The following TBXAS1 variants were observed in gnomAD, a reference collection of about 807,000 sequenced individuals.
The protein encoded by TBXAS1 is thromboxane-A synthase.
A neutral mutation model predicts 60.7 loss-of-function variants in TBXAS1; 48 were observed. The observed-to-expected ratio is 0.79, with a 90% CI of 0.63 to 1.01. TBXAS1 has a LOEUF of 1.01. Ranked by LOEUF, TBXAS1 falls within the 50% of genes least tolerant of loss-of-function variation. TBXAS1 has a pLI of 0.00. For synonymous variants in TBXAS1, 287 were observed against 269.7 expected, an observed-to-expected ratio of 1.06 and a Z score of -0.63; for missense variants, 685 against 686.3, an observed-to-expected ratio of 1.00 and a Z score of 0.02.
At chr7:139,806,746 C>T (rs984270336) in intron 4 of TBXAS1, among the ~76,000 whole-genome samples, 18 of 152,104 alleles carry the variant, frequency 1.2e-4, no homozygotes, top group Non-Finnish European at 2.6e-4. Context: ...GCTGTGCCCT[C>T]CCCATCCTCC....
Position 139,829,317 on chromosome 7 carries a change from G to T in TBXAS1, c.-74G>T. On this transcript the variant is annotated 5_prime_UTR_variant, in exon 1 of 13. Transcript: ENST00000448866. ...GTTCCCTTTTCTACCTGCAGAGCACGGTTCCCATAAGGGCGGCGAGATCAG... is the reference window on the plus strand; with the variant it reads ...GTTCCCTTTTCTACCTGCAGAGCACTGTTCCCATAAGGGCGGCGAGATCAG... The T allele has an allele frequency of 7.1e-7, 1 of 1,414,128 alleles. No homozygotes were observed. Among genetic ancestry groups the T allele is most frequent in the Non-Finnish European group, 9.9e-7 (1 of 1,012,698 alleles). The allele number at this position is 1,414,128 out of a possible 1,614,324, so 87.6% of individuals were successfully genotyped here.
intron 4 of TBXAS1, among the ~76,000 whole-genome samples, chr7:139,925,169 A>G (rs1212094422): frequency 6.6e-6 from 1 of 152,098 alleles, no homozygotes; most frequent in African/African-American, 2.4e-5. Context: ...ATATTTTAGG[A>G]TTGTTTTTTC....
At chr7:139,860,987 A>G (rs910299847) in intron 1 of TBXAS1, among the ~76,000 whole-genome samples, 6 of 152,122 alleles carry the variant, frequency 3.9e-5, no homozygotes, top group South Asian at 2.1e-4. Flanking sequence ...CAGCCTGGTT[A>G]ATATGGTGAA....
chr7:139,898,413 C>CTTTTTT lies in TBXAS1; in HGVS notation c.237-12785_237-12780dup, dbSNP rs71170921. Among the ~76,000 whole-genome samples the CTTTTTT allele has an allele frequency of 7.1e-4, 58 of 82,258 alleles. 4 individuals are homozygous for CTTTTTT. The highest frequency in any genetic ancestry group is 1.5e-3 in the African/African-American group (31 of 20,492). 54.0% of individuals were successfully genotyped at this position (82,258 alleles called of 152,430 possible). The stretch of plus-strand genomic sequence containing the variant: ...ATCAGAAGTTTCCCAACGTGCATGG[C>CTTTTTT]TTTTTTTTTTTTTTTTTTTTTTTTT... On this transcript the variant is annotated intron_variant, in intron 3 of 12. Transcript: ENST00000448866.
intron 1 of TBXAS1, among the ~76,000 whole-genome samples, chr7:139,855,658 G>C (rs963972653): frequency 6.6e-6 from 1 of 152,126 alleles, no homozygotes; most frequent in Non-Finnish European, 1.5e-5. Flanking sequence ...AGGTTTTGTC[G>C]TCCCAGAAGC....
intron 9 of TBXAS1, among the ~76,000 whole-genome samples, chr7:139,980,119 G>A (rs1811860451): frequency 6.6e-6 from 1 of 152,124 alleles, no homozygotes; most frequent in South Asian, 2.1e-4. Flanking sequence ...GCCTGTGCGG[G>A]TCCTCAGACT....
chr7:139,940,851 C>G (rs1037062459), intron 5 of TBXAS1, among the ~76,000 whole-genome samples: 2 of 152,094 alleles, frequency 1.3e-5, no homozygotes, highest in South Asian at 2.1e-4. Context: ...AACCGAGAAG[C>G]TTTCTACCTA....
At chr7:139,995,698 G>T (rs1330398356) in intron 9 of TBXAS1, among the ~76,000 whole-genome samples, 7 of 152,224 alleles carry the variant, frequency 4.6e-5, no homozygotes, top group Admixed American at 4.6e-4. Flanking sequence ...GCCCCACGTG[G>T]AGTCAGAATC....
At chr7:139,909,909 G>A (rs1332180993) in intron 3 of TBXAS1, among the ~76,000 whole-genome samples, 1 of 152,138 alleles carries the variant, frequency 6.6e-6, no homozygotes, top group Non-Finnish European at 1.5e-5. Context: ...TGGTAGTCCG[G>A]CACTCACGGT....
At chr7:139,860,972 G>A (rs933147852) in intron 1 of TBXAS1, among the ~76,000 whole-genome samples, 4 of 152,066 alleles carry the variant, frequency 2.6e-5, no homozygotes, top group Non-Finnish European at 4.4e-5. Context: ...TCAGGAGTTC[G>A]AGACCAGCCT....
upstream of TBXAS1, among the ~76,000 whole-genome samples, chr7:139,825,663 G>A (rs879382071): frequency 2.6e-5 from 4 of 152,180 alleles, no homozygotes; most frequent in African/African-American, 9.7e-5. Context: ...TCTAAATCAA[G>A]TGCCTGAGAA....
intron 3 of TBXAS1, among the ~76,000 whole-genome samples, chr7:139,893,082 C>A (rs1803771818): frequency 6.6e-6 from 1 of 152,062 alleles, no homozygotes; most frequent in South Asian, 2.1e-4. Context: ...GTCTGAAATT[C>A]TTTTGCCATT....
chr7:139,935,122 C>G (rs995674262), intron 4 of TBXAS1, among the ~76,000 whole-genome samples: 1 of 152,228 alleles, frequency 6.6e-6, no homozygotes, highest in South Asian at 2.1e-4. Context: ...CCTTAATTAC[C>G]TCTTCAAAGA....
At chr7:139,862,754 A>G (rs1801060232) in intron 1 of TBXAS1, among the ~76,000 whole-genome samples, 1 of 152,254 alleles carries the variant, frequency 6.6e-6, no homozygotes, top group Non-Finnish European at 1.5e-5. Context: ...GATTGGCTTT[A>G]GATAGGTAAA....
chr7:139,821,090 A>T (rs1271814676), intron 4 of TBXAS1, among the ~76,000 whole-genome samples: 1 of 152,248 alleles, frequency 6.6e-6, no homozygotes, highest in Non-Finnish European at 1.5e-5. Flanking sequence ...CTTCATAGGC[A>T]GGACCAGCAG....
At chr7:139,843,111 T>G (rs1190102255) in intron 1 of TBXAS1, among the ~76,000 whole-genome samples, 1 of 152,176 alleles carries the variant, frequency 6.6e-6, no homozygotes, top group Admixed American at 6.5e-5. Context: ...TGCACTGACA[T>G]GCCTGTTCCC....
At chr7:139,805,757 G>T (rs1306137860) in intron 4 of TBXAS1, among the ~76,000 whole-genome samples, 19 of 84,640 alleles carry the variant, frequency 2.2e-4, no homozygotes, top group South Asian at 3.6e-4. Flanking sequence ...TTTCTTTCTT[G>T]TCTTTCTTTC....
chr7:139,899,200 C>T (rs368590560), intron 3 of TBXAS1, among the ~76,000 whole-genome samples: 7 of 151,960 alleles, frequency 4.6e-5, no homozygotes, highest in African/African-American at 1.7e-4. Context: ...ATAGAAAGAC[C>T]GACTATAATT....
chr7:139,938,924 G>T (rs373730643), intron 5 of TBXAS1, among the ~76,000 whole-genome samples: 89 of 152,330 alleles, frequency 5.8e-4, no homozygotes, highest in African/African-American at 1.9e-3. Context: ...CCTTACAGGG[G>T]ATACTCCAGA....
Sources: gnomAD v4.1 joint callset for allele counts (sites outside exome capture counted in the v4.1 genomes callset) on GRCh38, gnomAD v4.1.1 for gene constraint, MANE v1.5 for transcripts, NCBI Gene and HGNC (gene_info 2026-07-23, HGNC 2026-07-21) for gene names.